BAZ1A: variants seen among roughly 807,000 people sequenced by gnomAD.
BAZ1A encodes the protein bromodomain adjacent to zinc finger domain 1A, also known as bromodomain adjacent to zinc finger domain protein 1A.
A neutral mutation model predicts 185.2 loss-of-function variants in BAZ1A; 50 were observed. The ratio of observed to expected loss-of-function variants is 0.27; its 90% confidence interval spans 0.22 to 0.34. The LOEUF (loss-of-function observed/expected upper bound fraction) is 0.34. Ranked by LOEUF, BAZ1A falls within the 10% of genes least tolerant of loss-of-function variation. The probability of loss-of-function intolerance (pLI) is 1.00; values close to 1 mark genes in which losing one functional copy is unlikely to be tolerated. For synonymous variants in BAZ1A, 571 were observed against 615.6 expected (o/e 0.93, Z 1.07); for missense variants, 1,356 against 1,839.9 (o/e 0.74, Z 4.81).
At chr14:34,821,360 T>C (rs560194615) in intron 4 of BAZ1A, among the ~76,000 whole-genome samples, 108 of 152,186 alleles carry the variant, frequency 7.1e-4, no homozygotes, top group African/African-American at 2.4e-3. Context: ...CATGAAAAAA[T>C]GTTAATGAAT....
At position 34,826,234 on chromosome 14, in the gene BAZ1A, T is replaced by G. The variant is rs1279723122; in HGVS notation, c.393-78A>C. Reference sequence around the variant, plus strand: ...AAACATGTCAGAGCAATCGAATTGTTTTGAACTAGTTATTTTGTTTTGCAG... The same window carrying G: ...AAACATGTCAGAGCAATCGAATTGTGTTGAACTAGTTATTTTGTTTTGCAG... On this transcript the variant is annotated intron_variant, in intron 3 of 26. Coordinates refer to ENST00000360310, the MANE Select transcript of BAZ1A (RefSeq NM_013448.3). 3.1e-5 allele frequency: 45 copies of G among 1,450,396 alleles called. No individual in the cohort carries two copies. The East Asian group carries it at 1.0e-3, about 33-fold the overall frequency. The allele number at this position is 1,450,396 out of a possible 1,614,324, so 89.8% of individuals were successfully genotyped here.
intron 4 of BAZ1A, among the ~76,000 whole-genome samples, chr14:34,824,408 C>CAACA (rs2042134375): frequency 1.5e-5 from 1 of 65,770 alleles, no homozygotes; most frequent in Non-Finnish European, 2.5e-5. Flanking sequence ...AGCAGCAACT[C>CAACA]AAAAAAAAAA....
At chr14:34,775,496 C>A (rs1369151030) in intron 18 of BAZ1A, among the ~76,000 whole-genome samples, 1 of 152,174 alleles carries the variant, frequency 6.6e-6, no homozygotes, top group Non-Finnish European at 1.5e-5. Flanking sequence ...ATCCGACCTG[C>A]CCTTGCAGCC....
Position 34,874,125 on chromosome 14 carries a change from C to T in BAZ1A, c.113+367G>A, listed in dbSNP as rs965554925. Among the ~76,000 whole-genome samples the T allele has an allele frequency of 6.6e-6, 1 of 152,076 alleles. No homozygotes were observed. The highest frequency in any genetic ancestry group is 1.5e-5 in the Non-Finnish European group (1 of 67,966). ...ATCCCCTCGGCCGCCGGGAGGGGATCCCGGAACTGGCCCCGGAGTGCGCGT... is the reference window on the plus strand; with the variant it reads ...ATCCCCTCGGCCGCCGGGAGGGGATTCCGGAACTGGCCCCGGAGTGCGCGT... On this transcript the variant is annotated intron_variant, in intron 2 of 26. Transcript: ENST00000360310. This position sits in a 1 kb window ranked among gnomAD's most constrained non-coding sequence, Gnocchi z 4.7.
chr14:34,781,799 G>A (rs1880059274), intron 16 of BAZ1A, among the ~76,000 whole-genome samples: 1 of 152,196 alleles, frequency 6.6e-6, no homozygotes, highest in African/African-American at 2.4e-5. Context: ...AATTGGTCGT[G>A]AGTAGCTTCT....
At chr14:34,789,523 A>G (rs1010712156) in intron 12 of BAZ1A, among the ~76,000 whole-genome samples, 1 of 152,220 alleles carries the variant, frequency 6.6e-6, no homozygotes, top group Non-Finnish European at 1.5e-5. Flanking sequence ...TGCAACAGAT[A>G]TATTTATTGT....
chr14:34,803,003 G>A lies in BAZ1A; in HGVS notation c.727-15C>T. 1 of 1,599,038 alleles carries A rather than the reference G, an allele frequency of 6.3e-7. No homozygotes were observed. Among genetic ancestry groups the A allele is most frequent in the Non-Finnish European group, 8.6e-7 (1 of 1,167,140 alleles). On this transcript the variant is annotated splice_polypyrimidine_tract_variant and intron_variant, in intron 6 of 26. Transcript: ENST00000360310. The stretch of plus-strand genomic sequence containing the variant: ...AGAGATGATGCCTTAATAAAACAAA[G>A]ACATAGGGTACAATAATAACACATT...
chr14:34,787,280 GA>G (rs1368905417), intron 12 of BAZ1A, among the ~76,000 whole-genome samples: 7 of 148,966 alleles, frequency 4.7e-5, no homozygotes, highest in Non-Finnish European at 7.4e-5. Flanking sequence ...TTGAACCTGG[GA>G]GGCAGAGGGT....
At chr14:34,829,885 A>G (rs994100747) in intron 3 of BAZ1A, among the ~76,000 whole-genome samples, 32 of 152,312 alleles carry the variant, frequency 2.1e-4, no homozygotes, top group African/African-American at 7.0e-4. Context: ...GTGCTACTGC[A>G]TATCTCTTGG....
In BAZ1A at chr14:34,835,210, C is replaced by T. The variant is rs371547721; in HGVS notation, c.393-9054G>A. ...CCCAGTAGCTGGGATTACAGGCACG[C>T]GCCACCATGCCCAGCTAATTTTTGT... On this transcript the variant is annotated intron_variant, in intron 3 of 26. Coordinates refer to ENST00000360310, the MANE Select transcript of BAZ1A (RefSeq NM_013448.3). Among the ~76,000 whole-genome samples, 154 of 150,410 alleles carry T rather than the reference C, an allele frequency of 1.0e-3. 1 individual carries two copies. Among genetic ancestry groups the T allele is most frequent in the East Asian group, 1.2e-3 (6 of 5,106 alleles).
intron 4 of BAZ1A, among the ~76,000 whole-genome samples, chr14:34,815,264 A>G (rs1483543921): frequency 6.6e-6 from 1 of 152,216 alleles, no homozygotes; most frequent in Non-Finnish European, 1.5e-5. Flanking sequence ...TTCTATATAA[A>G]ATAAAATCCT....
At chr14:34,776,660 C>T in intron 17 of BAZ1A, 145 bp from the exon 18 acceptor site, 3 of 655,822 alleles carry the variant, frequency 4.6e-6, no homozygotes, top group Non-Finnish European at 7.7e-6. Context: ...ATGTTGAAGC[C>T]CTAACCTCCA....
chr14:34,779,261 C>T (rs11625876), intron 17 of BAZ1A, among the ~76,000 whole-genome samples: 113,758 of 152,002 alleles, frequency 0.75, 42,858 homozygotes, highest in South Asian at 0.82. Flanking sequence ...TCTAGCTCAG[C>T]TTGTGTTTCT....
At chr14:34,817,920 C>G (rs2042031258) in intron 4 of BAZ1A, among the ~76,000 whole-genome samples, 1 of 152,160 alleles carries the variant, frequency 6.6e-6, no homozygotes, top group Non-Finnish European at 1.5e-5. Context: ...CTACTGGGAA[C>G]AGCAGTTTGG....
intron 17 of BAZ1A, among the ~76,000 whole-genome samples, chr14:34,777,304 T>C (rs1372762973): frequency 6.6e-6 from 1 of 152,226 alleles, no homozygotes; most frequent in Non-Finnish European, 1.5e-5. Context: ...TTCATATAAT[T>C]TTCACTTATC....
chr14:34,804,291 A>G (rs1881736657), intron 6 of BAZ1A, among the ~76,000 whole-genome samples: 1 of 152,220 alleles, frequency 6.6e-6, no homozygotes, highest in Admixed American at 6.5e-5. Context: ...TATAGGCATA[A>G]GCCACTGCGC....
chr14:34,830,743 A>G lies in BAZ1A; in HGVS notation c.393-4587T>C, dbSNP rs190928093. Among the ~76,000 whole-genome samples the G allele has an allele frequency of 5.1e-4, 77 of 149,804 alleles. No individual in the cohort carries two copies. In the East Asian group the frequency reaches 0.015, roughly 29 times the overall value. Reference sequence around the variant, plus strand: ...AAGGAGAGAGAGCATTGCTGGAATTATATTTATGGTATATCTCTACAACTC... The same window carrying G: ...AAGGAGAGAGAGCATTGCTGGAATTGTATTTATGGTATATCTCTACAACTC... On this transcript the variant is annotated intron_variant, in intron 3 of 26. Coordinates refer to ENST00000360310, the MANE Select transcript of BAZ1A (RefSeq NM_013448.3).
intron 3 of BAZ1A, among the ~76,000 whole-genome samples, chr14:34,846,804 C>T (rs910641304): frequency 6.6e-6 from 1 of 152,102 alleles, no homozygotes; most frequent in Non-Finnish European, 1.5e-5. Flanking sequence ...AAAGATAGTT[C>T]TACTCTAACT....
At chr14:34,851,248 G>A (rs931202110) in intron 3 of BAZ1A, among the ~76,000 whole-genome samples, 6 of 142,436 alleles carry the variant, frequency 4.2e-5, no homozygotes, top group South Asian at 2.2e-4. Context: ...CACAATAATC[G>A]CTTAAACCCA....
Sources: gnomAD v4.1 joint callset for allele counts (sites outside exome capture counted in the v4.1 genomes callset) on GRCh38, gnomAD v4.1.1 for gene constraint, Gnocchi (gnomAD v3.1) non-coding constraint, MANE v1.5 for transcripts, NCBI Gene and HGNC (gene_info 2026-07-23, HGNC 2026-07-21) for gene names.